CD96: variants seen among roughly 807,000 people sequenced by gnomAD.
CD96 encodes the protein T-cell surface protein tactile.
CD96 carries 70 observed loss-of-function variants against 71.3 expected under a neutral mutation model. The observed-to-expected ratio is 0.98, with a 90% CI of 0.81 to 1.20. The LOEUF (loss-of-function observed/expected upper bound fraction) is 1.20. Among genes scored for constraint, CD96 ranks in the 50% most tolerant of loss-of-function variants. CD96 has a pLI of 0.00. For synonymous variants in CD96, 248 were observed against 233.0 expected (o/e 1.06, Z -0.59); for missense variants, 742 against 677.5 (o/e 1.10, Z -1.06).
chr3:111,622,611 T>C (rs1256427483), intron 8 of CD96, among the ~76,000 whole-genome samples: 1 of 152,218 alleles, frequency 6.6e-6, no homozygotes, highest in African/African-American at 2.4e-5. Context: ...TTCACATAAC[T>C]GAGGTACCAG....
chr3:111,594,263 C>A (rs978928562), intron 5 of CD96: 1 of 1,504,904 alleles, frequency 6.6e-7, no homozygotes, highest in Non-Finnish European at 8.9e-7. Flanking sequence ...CTTATTTGAA[C>A]CACAAGATTA....
At chr3:111,550,278 G>T in intron 2 of CD96, among the ~76,000 whole-genome samples, 1 of 152,166 alleles carries the variant, frequency 6.6e-6, no homozygotes, top group Middle Eastern at 3.2e-3. Context: ...TCAGGCTGGA[G>T]GGAGAAGAGG....
intron 8 of CD96, among the ~76,000 whole-genome samples, chr3:111,616,477 A>G (rs558124708): frequency 2.0e-5 from 3 of 151,962 alleles, no homozygotes; most frequent in Non-Finnish European, 4.4e-5. Context: ...AAGAGAAGCT[A>G]TCAAAGGCCT....
At chr3:111,558,930 T>C (rs1255831693) in intron 2 of CD96, among the ~76,000 whole-genome samples, 4 of 152,154 alleles carry the variant, frequency 2.6e-5, no homozygotes, top group Non-Finnish European at 4.4e-5. Flanking sequence ...CCTGGTTTAG[T>C]CTTGGGAGAG....
chr3:111,649,804 T>A lies in CD96; in HGVS notation c.1708T>A (p.Ter570LysextTer16). The change falls in exon 14 of 14, where the codon TAG (stop) becomes AAG (lysine). Residue 570 changes from the stop codon to lysine, a stop_lost. Transcript: ENST00000352690. ...DLPYHEMETL[*>K] ...GCCTTATCATGAGATGGAGACCCTC[T>A]AGTCTCGTGAGACTTTGCCCCATGG... 6.4e-7 allele frequency: 1 copy of A among 1,574,378 alleles called. No individual in the cohort carries two copies. The highest frequency in any genetic ancestry group is 8.7e-7 in the Non-Finnish European group (1 of 1,143,682).
chr3:111,599,445 C>T (rs144154255), intron 6 of CD96, among the ~76,000 whole-genome samples: 11 of 152,158 alleles, frequency 7.2e-5, no homozygotes, highest in East Asian at 3.9e-4. Flanking sequence ...ATAGGCCAGG[C>T]GCAGTGGCAC....
downstream of CD96, among the ~76,000 whole-genome samples, chr3:111,656,443 TATG>T (rs1386135211): frequency 6.6e-6 from 1 of 152,168 alleles, no homozygotes; most frequent in Non-Finnish European, 1.5e-5. Flanking sequence ...TTGAGAAGAA[TATG>T]ATGATATCTA....
intron 8 of CD96, among the ~76,000 whole-genome samples, chr3:111,616,545 C>CTGA (rs1019573769): frequency 6.6e-6 from 1 of 151,966 alleles, no homozygotes; most frequent in Non-Finnish European, 1.5e-5. Flanking sequence ...TGGCTAGGCC[C>CTGA]TGATGATGAT....
At chr3:111,623,704 A>T in intron 8 of CD96, 50 bp from the exon 9 acceptor site, 1 of 1,146,890 alleles carries the variant, frequency 8.7e-7, no homozygotes, top group Middle Eastern at 1.9e-4. Flanking sequence ...ACAGTTAAAC[A>T]TACGAATGTA....
At chr3:111,653,908 A>G (rs6776617), downstream of CD96, among the ~76,000 whole-genome samples, 143,368 of 152,080 alleles carry the variant, frequency 0.94, 67,740 homozygotes, top group Non-Finnish European at 0.97. Context: ...GGAAGCTCTA[A>G]AAAATGTCAA....
chr3:111,620,893 C>G (rs1938490497), intron 8 of CD96, among the ~76,000 whole-genome samples: 2 of 152,172 alleles, frequency 1.3e-5, no homozygotes, highest in African/African-American at 4.8e-5. Context: ...AGTGAGTTCT[C>G]CTTCTCCTGC....
Position 111,542,298 on chromosome 3 carries a change from A to T in CD96, c.50A>T (p.His17Leu). ...GCTGTCTATTACATCATCCAGATACATTTTGTCAAGGGTAAGACTTCCAGT... is the reference window on the plus strand; with the variant it reads ...GCTGTCTATTACATCATCCAGATACTTTTTGTCAAGGGTAAGACTTCCAGT... ...YCAVYYIIQI[H>L]FVKGVWEKTV... The change falls in exon 1 of 14, where the codon CAT becomes CTT. Residue 17 changes from histidine to leucine, a missense_variant. Transcript: ENST00000352690. 1 of 1,613,720 alleles carries T rather than the reference A, an allele frequency of 6.2e-7. No homozygotes were observed. The highest frequency in any genetic ancestry group is 8.5e-7 in the Non-Finnish European group (1 of 1,179,680).
chr3:111,626,322 A>AG (rs1203196750), intron 10 of CD96, among the ~76,000 whole-genome samples: 2 of 151,458 alleles, frequency 1.3e-5, no homozygotes, highest in Non-Finnish European at 2.9e-5. Context: ...AAAAAAAAAA[A>AG]AAAAAAGAAA....
At chr3:111,664,640 C>A (rs1231016652) in intron 14 of CD96, among the ~76,000 whole-genome samples, 1 of 151,964 alleles carries the variant, frequency 6.6e-6, no homozygotes, top group Non-Finnish European at 1.5e-5. Flanking sequence ...GTACATGTAC[C>A]CCTGTATCTA....
intron 2 of CD96, 26 bp from the exon 3 acceptor site, chr3:111,567,497 A>G (rs775536421): frequency 1.3e-5 from 20 of 1,596,502 alleles, no homozygotes; most frequent in Admixed American, 1.7e-5. Flanking sequence ...AGATTCACAT[A>G]TTTTCTACCT....
At chr3:111,556,677 GT>G (rs1224433213) in intron 2 of CD96, among the ~76,000 whole-genome samples, 2 of 141,142 alleles carry the variant, frequency 1.4e-5, no homozygotes, top group Non-Finnish European at 3.1e-5. Flanking sequence ...GTGTGCATGT[GT>G]CTTTATAGCA....
intron 10 of CD96, among the ~76,000 whole-genome samples, chr3:111,631,948 C>T (rs1408931706): frequency 6.6e-6 from 1 of 152,150 alleles, no homozygotes; most frequent in African/African-American, 2.4e-5. Flanking sequence ...AAACTGGACC[C>T]CTTCCTTACA....
At chr3:111,632,307 A>C (rs1263700954) in intron 10 of CD96, among the ~76,000 whole-genome samples, 1 of 152,194 alleles carries the variant, frequency 6.6e-6, no homozygotes, top group East Asian at 1.9e-4. Context: ...AAAAGTGGGC[A>C]AAGGACATGA....
At chr3:111,587,231 C>A (rs1365938759) in intron 5 of CD96, among the ~76,000 whole-genome samples, 1 of 152,218 alleles carries the variant, frequency 6.6e-6, no homozygotes, top group Non-Finnish European at 1.5e-5. Flanking sequence ...CAGCTCCACC[C>A]CTGTGGCTTT....
Sources: allele counts gnomAD v4.1 joint callset (sites outside exome capture counted in the v4.1 genomes callset), GRCh38; gene constraint gnomAD v4.1.1; transcripts MANE v1.5; gene names NCBI Gene and HGNC (gene_info 2026-07-23, HGNC 2026-07-21).